The following EGF variants were observed in gnomAD, a reference collection of about 807,000 sequenced individuals.
EGF encodes pro-epidermal growth factor.
Under a neutral mutation model 143.8 loss-of-function variants are expected in EGF, and 95 were observed. The ratio of observed to expected loss-of-function variants is 0.66; its 90% CI spans 0.56 to 0.78. The LOEUF (loss-of-function observed/expected upper bound fraction) is 0.78. EGF is among the 30% of genes least tolerant of loss of function. The pLI is 0.00. For missense variants in EGF, 1,320 were observed against 1,470.9 expected (o/e 0.90, Z 1.68); for synonymous variants, 510 against 510.5 (o/e 1.00, Z 0.01).
intron 1 of EGF, among the ~76,000 whole-genome samples, chr4:109,932,383 T>TAAA: frequency 1.2e-5 from 1 of 86,714 alleles, no homozygotes; most frequent in South Asian, 4.2e-4. Flanking sequence ...ATATAAATTT[T>TAAA]TTTTTTTTTT....
At chr4:109,995,079 C>G (rs11569088) in intron 20 of EGF, among the ~76,000 whole-genome samples, 199 bp downstream of exon 20, 1 of 152,074 alleles carries the variant, frequency 6.6e-6, no homozygotes, top group Non-Finnish European at 1.5e-5. Context: ...TTCTAGTTAC[C>G]GGTGATAAGT....
In EGF at chr4:109,988,621, C is replaced by T. The variant is rs1404212305; in HGVS notation, c.2646C>T (p.Pro882=). Residue 882 remains proline (P), a synonymous_variant, in exon 18 of 24, where the codon CCC becomes CCT. Transcript: ENST00000265171. ...GTGAGATGGGTGTCCCAGTGTGCCCCCCTGCCTCCTCCAAGTGCATCAACA... is the reference window on the plus strand; with the variant it reads ...GTGAGATGGGTGTCCCAGTGTGCCCTCCTGCCTCCTCCAAGTGCATCAACA... ...DECEMGVPVC[P]PASSKCINTE... The T allele has an allele frequency of 7.4e-6, 12 of 1,614,074 alleles. No homozygotes were observed. Among genetic ancestry groups the T allele is most frequent in the Non-Finnish European group, 1.0e-5 (12 of 1,179,956 alleles).
chr4:109,997,778 G>A (rs1236484833), intron 20 of EGF, among the ~76,000 whole-genome samples: 1 of 152,042 alleles, frequency 6.6e-6, no homozygotes, highest in East Asian at 1.9e-4. Context: ...TGGGAGAATC[G>A]CTTGAGCCCA....
chr4:109,960,842 G>A (rs770656949), intron 6 of EGF, 25 bp from the exon 7 acceptor site: 2 of 1,613,396 alleles, frequency 1.2e-6, no homozygotes, highest in Admixed American at 1.7e-5. Flanking sequence ...CCATTTGAAT[G>A]TATTGTGCTG....
chr4:109,943,209 G>A (rs1176817725), intron 2 of EGF, 45 bp from the exon 3 acceptor site: 1 of 1,323,186 alleles, frequency 7.6e-7, no homozygotes, highest in Admixed American at 2.1e-5. Flanking sequence ...ATTTTGTTGT[G>A]AATGGGGGAA....
intron 5 of EGF, among the ~76,000 whole-genome samples, chr4:109,955,416 T>C (rs1744635347): frequency 6.6e-6 from 1 of 152,134 alleles, no homozygotes; most frequent in African/African-American, 2.4e-5. Context: ...ATTAAGGAGA[T>C]TAAAGAAAAT....
At chr4:109,968,117 A>G (rs1394426191) in intron 10 of EGF, among the ~76,000 whole-genome samples, 1 of 152,180 alleles carries the variant, frequency 6.6e-6, no homozygotes, top group African/African-American at 2.4e-5. Flanking sequence ...TGAATGCTAC[A>G]ATGTCACTAG....
Position 110,013,183 on chromosome 4 carries a change from A to G in EGF, c.*1728A>G, listed in dbSNP as rs1335468552. ...CTGGCCTCAGAAAAATAATAACCATAATTTCCCCCAAGGTTTTCTTTACCT... is the reference window on the plus strand; with the variant it reads ...CTGGCCTCAGAAAAATAATAACCATGATTTCCCCCAAGGTTTTCTTTACCT... On this transcript the variant is annotated 3_prime_UTR_variant, in exon 24 of 24. Transcript: ENST00000265171. 6.6e-6 allele frequency among the ~76,000 whole-genome samples: 1 copy of G among 152,136 alleles called. No homozygotes were observed. The highest frequency in any genetic ancestry group is 2.4e-5 in the African/African-American group (1 of 41,428).
rs111360781 is a variant in EGF, at chr4:110,011,395, T to A, written c.3564T>A (p.Ala1188=). Reference sequence around the variant, plus strand: ...AGAAGCCCCATTCTCTCCTATCAGCTAACCCATTATGGCAACAAAGGGCCC... The same window carrying A: ...AGAAGCCCCATTCTCTCCTATCAGCAAACCCATTATGGCAACAAAGGGCCC... The part of the protein sequence containing the change: ...GVEKPHSLLS[A]NPLWQQRALD... The change falls in exon 24 of 24, where the codon GCT becomes GCA. Residue 1188 remains alanine (A), a synonymous_variant. Coordinates refer to ENST00000265171, the MANE Select transcript of EGF (RefSeq NM_001963.6). The A allele has an allele frequency of 3.7e-6, 6 of 1,614,136 alleles. No homozygotes were observed. The African/African-American group carries it at 4.0e-5, about 11-fold the overall frequency.
chr4:109,970,272 A>G (rs2126085498), intron 11 of EGF, among the ~76,000 whole-genome samples: 1 of 152,328 alleles, frequency 6.6e-6, no homozygotes, highest in African/African-American at 2.4e-5. Flanking sequence ...AGAAGCTGCT[A>G]ACGATAGACC....
chr4:110,001,607 T>C, intron 21 of EGF: 1 of 985,328 alleles, frequency 1.0e-6, no homozygotes, highest in Non-Finnish European at 1.2e-6. Context: ...TGTTGTGTTA[T>C]GATATAGTAT....
intron 22 of EGF, among the ~76,000 whole-genome samples, chr4:110,004,825 A>G (rs1305829171): frequency 3.9e-5 from 6 of 152,054 alleles, no homozygotes; most frequent in African/African-American, 1.4e-4. Context: ...GAATCAGATG[A>G]GTTATAATAA....
rs143375837 is a variant in EGF, at chr4:109,969,381, C to T, written c.1724+262C>T. On this transcript the variant is annotated intron_variant, in intron 11 of 23. Coordinates refer to ENST00000265171, the MANE Select transcript of EGF (RefSeq NM_001963.6). ...GAAAACCAAACACTGCATGTTCTCA[C>T]TCATAAGTGGGAGTTGAACAATGAG... is the stretch of plus-strand genomic sequence containing the variant. Among the ~76,000 whole-genome samples the T allele has an allele frequency of 1.1e-3, 164 of 152,166 alleles. 3 individuals are homozygous for T. In the East Asian group the frequency reaches 0.03, roughly 28 times the overall value.
rs972294772 is a variant in EGF at position 110,012,936 on chromosome 4, A to G, written c.*1481A>G. 1.3e-5 allele frequency among the ~76,000 whole-genome samples: 2 copies of G among 152,204 alleles called. No homozygotes were observed. The highest frequency in any genetic ancestry group is 4.8e-5 in the African/African-American group (2 of 41,454). The stretch of plus-strand genomic sequence containing the variant: ...ACCCCTTGTACTTTGGTGATACCAG[A>G]CATCAGAATAAAAAGAAATTGAAGT... On this transcript the variant is annotated 3_prime_UTR_variant, in exon 24 of 24. Transcript: ENST00000265171.
At position 109,944,108 on chromosome 4, in the gene EGF, T is replaced by C. The variant is rs377187996; in HGVS notation, c.737+39T>C. ...TTGGTATAAAATAAAACAATTGTCA[T>C]TTGAAGTCCACAAGATAAATTAATT... On this transcript the variant is annotated intron_variant, in intron 4 of 23. Coordinates refer to ENST00000265171, the MANE Select transcript of EGF (RefSeq NM_001963.6). 2.0e-4 allele frequency: 317 copies of C among 1,585,180 alleles called. 1 individual carries two copies. The highest frequency in any genetic ancestry group is 2.6e-4 in the Non-Finnish European group (303 of 1,156,594).
rs891882170 is a variant in EGF at position 109,982,171 on chromosome 4, T to C, written c.2371+1196T>C. ...ATGTATTTAAATTATTAATTTATTT[T>C]ATTTTATTTTTATTTTTTGTAGAGA... On this transcript the variant is annotated intron_variant, in intron 15 of 23. Transcript: ENST00000265171. Among the ~76,000 whole-genome samples the C allele has an allele frequency of 1.2e-4, 18 of 151,270 alleles. No homozygotes were observed. In the East Asian group the frequency reaches 3.5e-3, roughly 29 times the overall value.
rs1439651868 is a variant in EGF at position 109,983,526 on chromosome 4, G to A, written c.2476G>A (p.Glu826Lys). 6 of 1,613,768 alleles carry A rather than the reference G, an allele frequency of 3.7e-6. No individual in the cohort carries two copies. Among genetic ancestry groups the A allele is most frequent in the Non-Finnish European group, 5.1e-6 (6 of 1,179,788 alleles). The change falls in exon 16 of 24, where the codon GAA becomes AAA. Residue 826 changes from glutamate to lysine, a missense_variant. Physicochemically the swap from Glu to Lys is moderately conservative, Grantham distance 56 (BLOSUM62 1). This residue lies in a region of EGF where 1,186 missense variants were observed against 1,313.7 expected (regional missense o/e 0.90). Transcript: ENST00000265171. ...AGAATCTCAACACATGCTAGTGGCTGAAATCATGGTGTCAGGTATGAATAA... is the reference window on the plus strand; with the variant it reads ...AGAATCTCAACACATGCTAGTGGCTAAAATCATGGTGTCAGGTATGAATAA... ...ITESQHMLVA[E>K]IMVSDQDDCA... is the part of the protein sequence containing the mutation.
At chr4:109,932,311 GC>G (rs1375583683) in intron 1 of EGF, among the ~76,000 whole-genome samples, 2 of 135,134 alleles carry the variant, frequency 1.5e-5, no homozygotes, top group African/African-American at 5.5e-5. Flanking sequence ...TGTTTAAAGA[GC>G]CTTTTCTTTC....
chr4:109,999,916 G>C (rs914823286), intron 21 of EGF, 70 bp downstream of exon 21: 12 of 1,599,140 alleles, frequency 7.5e-6, no homozygotes, highest in Non-Finnish European at 9.4e-6. Flanking sequence ...CTGTCTCCTT[G>C]AGATGAGATG....
Sources: gnomAD v4.1 joint callset for allele counts (sites outside exome capture counted in the v4.1 genomes callset) on GRCh38, gnomAD v4.1.1 for gene constraint, gnomAD v4.1.1 regional missense constraint, MANE v1.5 for transcripts, NCBI Gene and HGNC (gene_info 2026-07-23, HGNC 2026-07-21) for gene names.